The following MKLN1 variants were observed in gnomAD, a reference collection of about 807,000 sequenced individuals.
MKLN1 encodes muskelin 1.
A neutral mutation model predicts 99.0 loss-of-function variants in MKLN1; 18 were observed. The observed-to-expected ratio is 0.18, with a 90% CI of 0.13 to 0.27. The LOEUF is 0.27. Ranked by LOEUF, MKLN1 falls within the 10% of genes least tolerant of loss-of-function variation. The probability of loss-of-function intolerance (pLI) is 1.00; values close to 1 mark genes in which losing one functional copy is unlikely to be tolerated. For missense variants in MKLN1, 621 were observed against 875.9 expected (o/e 0.71, Z 3.67); for synonymous variants, 288 against 293.2 (o/e 0.98, Z 0.18).
intron 1 of MKLN1, among the ~76,000 whole-genome samples, chr7:131,343,870 G>A (rs998221168): frequency 1.3e-5 from 2 of 152,142 alleles, no homozygotes; most frequent in African/African-American, 4.8e-5. Flanking sequence ...TGATAGAGAT[G>A]TGTTGCCCTA....
At chr7:131,408,531 G>A (rs932425049) in intron 6 of MKLN1, among the ~76,000 whole-genome samples, 2 of 151,902 alleles carry the variant, frequency 1.3e-5, no homozygotes, top group Admixed American at 1.3e-4. Context: ...GATTTTTTTG[G>A]TTTTGTTTTC....
rs1226502051 is a variant in MKLN1 at position 131,445,749 on chromosome 7, T to G, written c.1396-25T>G. ...TCATGGAAGTGATAAGTTACTCCTT[T>G]CTTTTTTTTTTTCTTCTTTTTCAGA... On this transcript the variant is annotated intron_variant, in intron 11 of 17. Coordinates refer to ENST00000352689, the MANE Select transcript of MKLN1 (RefSeq NM_013255.5). 4.5e-6 allele frequency: 7 copies of G among 1,569,152 alleles called. No homozygotes were observed. The African/African-American group carries it at 6.9e-5, about 15-fold the overall frequency.
At chr7:131,225,510 A>G (rs1332156613) in intron 3 of MKLN1, among the ~76,000 whole-genome samples, 1 of 152,176 alleles carries the variant, frequency 6.6e-6, no homozygotes. Context: ...ACCGGCCCTA[A>G]TGTCAGTGTC....
intron 3 of MKLN1, among the ~76,000 whole-genome samples, chr7:131,267,431 GTTC>G (rs1283216103): frequency 2.0e-5 from 3 of 152,150 alleles, no homozygotes; most frequent in Non-Finnish European, 4.4e-5. Context: ...CTATTTCCAA[GTTC>G]TTCTCTCTCT....
At chr7:131,167,485 C>T (rs1001103306) in intron 2 of MKLN1, among the ~76,000 whole-genome samples, 2 of 151,798 alleles carry the variant, frequency 1.3e-5, no homozygotes, top group Non-Finnish European at 2.9e-5. Flanking sequence ...CAGCCTAGGG[C>T]AACATGGTGA....
chr7:131,350,446 GT>G (rs1799687564), intron 1 of MKLN1, among the ~76,000 whole-genome samples: 2 of 152,180 alleles, frequency 1.3e-5, no homozygotes, highest in East Asian at 3.9e-4. Flanking sequence ...AGGGTCCAGT[GT>G]TTAGACATAG....
chr7:131,218,332 G>A (rs111613243), intron 3 of MKLN1, among the ~76,000 whole-genome samples: 10 of 152,324 alleles, frequency 6.6e-5, no homozygotes, highest in East Asian at 1.9e-4. Flanking sequence ...ACTGATTAGA[G>A]TTTAATTATG....
Position 131,248,448 on chromosome 7 carries a change from CA to C in MKLN1, c.-179+45480del, listed in dbSNP as rs1395813179. 2.6e-5 allele frequency among the ~76,000 whole-genome samples: 4 copies of C among 152,254 alleles called. No homozygotes were observed. In the South Asian group the frequency reaches 8.3e-4, roughly 32 times the overall value. ...CTTATACTGAGCATAGATGCAACAA[CA>C]AAAAAGTCAATATTATTGACTCTCA... On this transcript the variant is annotated intron_variant, in intron 3 of 7. Coordinates refer to the MKLN1 transcript ENST00000416992.
intron 16 of MKLN1, among the ~76,000 whole-genome samples, chr7:131,478,116 G>A (rs2116673089): frequency 6.6e-6 from 1 of 152,252 alleles, no homozygotes; most frequent in East Asian, 1.9e-4. Flanking sequence ...ATATATAATT[G>A]TGGAATCTCA....
chr7:131,274,507 G>A (rs2116564411), intron 3 of MKLN1, among the ~76,000 whole-genome samples: 1 of 152,050 alleles, frequency 6.6e-6, no homozygotes, highest in East Asian at 1.9e-4. Flanking sequence ...GCTGAGTGTG[G>A]TGTCATGTAA....
At chr7:131,113,583 A>T (rs1463692738) in intron 1 of MKLN1, among the ~76,000 whole-genome samples, 1 of 148,622 alleles carries the variant, frequency 6.7e-6, no homozygotes, top group East Asian at 2.0e-4. Flanking sequence ...GCAGTTTGGG[A>T]GGTTGAGGTG....
intron 8 of MKLN1, among the ~76,000 whole-genome samples, chr7:131,421,088 C>T (rs974653647): frequency 6.6e-6 from 1 of 152,092 alleles, no homozygotes; most frequent in Non-Finnish European, 1.5e-5. Flanking sequence ...ATCATTACTT[C>T]GGGATCTAGG....
intron 3 of MKLN1, among the ~76,000 whole-genome samples, chr7:131,301,704 C>A (rs1798379423): frequency 6.6e-6 from 1 of 152,122 alleles, no homozygotes; most frequent in African/African-American, 2.4e-5. Flanking sequence ...GCTCTCCAAA[C>A]TTCCAGAATA....
chr7:131,394,022 G>C (rs1027054742), intron 4 of MKLN1, among the ~76,000 whole-genome samples: 1 of 150,400 alleles, frequency 6.6e-6, no homozygotes, highest in Non-Finnish European at 1.5e-5. Context: ...TTTTAGTTTA[G>C]AATCATTATT....
chr7:131,307,973 T>C (rs1798493378), intron 3 of MKLN1, among the ~76,000 whole-genome samples: 1 of 152,184 alleles, frequency 6.6e-6, no homozygotes, highest in Non-Finnish European at 1.5e-5. Flanking sequence ...TTTTCTCAAG[T>C]TGTAATCCCC....
At chr7:131,388,492 G>A (rs10266305) in intron 3 of MKLN1, among the ~76,000 whole-genome samples, 2,473 of 152,234 alleles carry the variant, frequency 0.016, 46 homozygotes, top group African/African-American at 0.054. Flanking sequence ...ATTCTTTGGC[G>A]TATTCTAATA....
At chr7:131,479,165 C>G (rs1797050788) in intron 17 of MKLN1, among the ~76,000 whole-genome samples, 1 of 152,078 alleles carries the variant, frequency 6.6e-6, no homozygotes, top group South Asian at 2.1e-4. Flanking sequence ...AAGATAACTT[C>G]TGGTTGAAAC....
chr7:131,327,785 GCGGGGAGCGCGGGCGGC>G, upstream of MKLN1: 1 of 1,445,558 alleles, frequency 6.9e-7, no homozygotes, highest in Non-Finnish European at 9.0e-7. Context: ...ACGATGCGGG[GCGGGGAGCGCGGGCGGC>G]CGGGGAGGGC....
In MKLN1 at chr7:131,493,292, T is replaced by C. The variant is rs1319638661; in HGVS notation, c.*5564T>C. 6.6e-6 allele frequency: 1 copy of C among 152,200 alleles called. No homozygotes were observed. Among genetic ancestry groups the C allele is most frequent in the Admixed American group, 6.5e-5 (1 of 15,274 alleles). 9.4% of individuals were successfully genotyped at this position (152,200 alleles called of 1,614,324 possible). ...CCTATTTTGCTTATCTAAGGCATTTTGACTTGGAAGTATTAAACTTCAGGA... is the reference window on the plus strand; with the variant it reads ...CCTATTTTGCTTATCTAAGGCATTTCGACTTGGAAGTATTAAACTTCAGGA... On this transcript the variant is annotated 3_prime_UTR_variant, in exon 18 of 18. Coordinates refer to ENST00000352689, the MANE Select transcript of MKLN1 (RefSeq NM_013255.5).
Sources: allele counts gnomAD v4.1 joint callset (sites outside exome capture counted in the v4.1 genomes callset), GRCh38; gene constraint gnomAD v4.1.1; transcripts MANE v1.5; gene names NCBI Gene and HGNC (gene_info 2026-07-23, HGNC 2026-07-21).